The following SMARCA4 variants were observed in gnomAD, a reference collection of about 807,000 sequenced individuals.
SMARCA4 encodes SWI/SNF-related matrix-associated actin-dependent regulator of chromatin subfamily A member 4.
In SMARCA4, 31 loss-of-function variants were observed where a neutral mutation model predicts 193.9. The ratio of observed to expected loss-of-function variants is 0.16; its 90% confidence interval spans 0.12 to 0.22. The LOEUF is 0.22. Among genes scored for constraint, SMARCA4 ranks in the 10% least tolerant of loss-of-function variants. The pLI, the probability that SMARCA4 is intolerant of heterozygous loss-of-function variation, is 1.00. For synonymous variants in SMARCA4, 942 were observed against 933.1 expected (o/e 1.01, Z -0.17); for missense variants, 1,148 against 2,296.0 (o/e 0.50, Z 10.22).
At chr19:10,976,104 G>A (rs567444411) in intron 1 of SMARCA4, among the ~76,000 whole-genome samples, 7 of 152,258 alleles carry the variant, frequency 4.6e-5, no homozygotes, top group East Asian at 3.9e-4. Flanking sequence ...AAGCGGCACC[G>A]TGTAAGACAC....
At chr19:10,989,705 C>CCTT (rs1555756604) in intron 7 of SMARCA4, among the ~76,000 whole-genome samples, 2 of 142,184 alleles carry the variant, frequency 1.4e-5, no homozygotes. Flanking sequence ...TTCCCTTTCC[C>CCTT]TTTTTTTTTT....
Position 10,985,243 on chromosome 19 carries a change from G to A in SMARCA4, c.223-30G>A, listed in dbSNP as rs778529668. 13 of 1,613,574 alleles carry A rather than the reference G, an allele frequency of 8.1e-6. No individual in the cohort carries two copies. The highest frequency in any genetic ancestry group is 1.3e-5 in the African/African-American group (1 of 74,992). On this transcript the variant is annotated intron_variant, in intron 2 of 34. Transcript: ENST00000344626. This position sits in a 1 kb window ranked among gnomAD's most constrained non-coding sequence, Gnocchi z 4.5. ...GCTGCCACCTCACGTTCCACATGCT[G>A]ACCCTGCCTTGCCATGGTCCCTCTC...
chr19:10,966,613 G>A (rs529638779), intron 1 of SMARCA4, among the ~76,000 whole-genome samples: 9 of 142,270 alleles, frequency 6.3e-5, no homozygotes, highest in South Asian at 2.3e-4. Context: ...TGGGCTGGGC[G>A]CGGTGGCTCA....
At chr19:10,989,634 A>C (rs971841962) in intron 7 of SMARCA4, among the ~76,000 whole-genome samples, 191 bp downstream of exon 7, 8 of 151,124 alleles carry the variant, frequency 5.3e-5, no homozygotes, top group African/African-American at 1.7e-4. Flanking sequence ...GGGGACGTGG[A>C]CCTCACTACC....
At position 10,992,728 on chromosome 19, in the gene SMARCA4, A is replaced by G. The variant is rs899581377; in HGVS notation, c.1419+1405A>G. 2.6e-5 allele frequency among the ~76,000 whole-genome samples: 4 copies of G among 151,736 alleles called. No individual in the cohort carries two copies. In the East Asian group the frequency reaches 5.8e-4, roughly 22 times the overall value. ...CTCAGCCTCCCAAGTAGCTGGGACTACAGGCACCTGCCACCATGCCTGGCT... is the reference window on the plus strand; with the variant it reads ...CTCAGCCTCCCAAGTAGCTGGGACTGCAGGCACCTGCCACCATGCCTGGCT... On this transcript the variant is annotated intron_variant, in intron 8 of 34. Transcript: ENST00000344626.
At chr19:11,061,593 G>A (rs890735634) in intron 34 of SMARCA4, 191 bp from the exon 35 acceptor site, 28 of 651,840 alleles carry the variant, frequency 4.3e-5, no homozygotes, top group Non-Finnish European at 7.0e-5. Context: ...AGCCAGGATG[G>A]TCTCGATCTC....
At position 10,987,097 on chromosome 19, in the gene SMARCA4, G is replaced by A. The variant is rs1599959061; in HGVS notation, c.859+94G>A. ...TGAGCTTTGTCAGGGAGAAAGGGCC[G>A]AGGGTGGTCAGGCTGAACTGCAGCC... On this transcript the variant is annotated intron_variant, in intron 5 of 34. Coordinates refer to ENST00000344626, the MANE Select transcript of SMARCA4 (RefSeq NM_003072.5). This position sits in a 1 kb window ranked among gnomAD's most constrained non-coding sequence, Gnocchi z 5.3. The A allele has an allele frequency of 6.5e-6, 6 of 923,528 alleles. No individual in the cohort carries two copies. The highest frequency in any genetic ancestry group is 8.6e-6 in the Non-Finnish European group (5 of 582,404). 57.2% of individuals were successfully genotyped at this position (923,528 alleles called of 1,614,324 possible). A position where few individuals can be genotyped will look rare whatever the true frequency, so the allele number is the denominator to read the frequency against.
chr19:11,015,675 A>T (rs1049689659), intron 16 of SMARCA4, among the ~76,000 whole-genome samples: 1 of 152,052 alleles, frequency 6.6e-6, no homozygotes, highest in African/African-American at 2.4e-5. Flanking sequence ...ACTCCATTTC[A>T]TGTTGCCATA....
At chr19:11,026,165 A>C in intron 22 of SMARCA4, 135 bp from the exon 23 acceptor site, 2 of 757,162 alleles carry the variant, frequency 2.6e-6, no homozygotes, top group Admixed American at 3.7e-5. Flanking sequence ...GTCTGGTCTC[A>C]GAGCCGCCGT....
chr19:11,019,393 C>G lies in SMARCA4; in HGVS notation c.2506-198C>G. The G allele has an allele frequency of 1.6e-6, 1 of 620,680 alleles. No homozygotes were observed. The highest frequency in any genetic ancestry group is 1.9e-5 in the South Asian group (1 of 53,542). 38.4% of individuals were successfully genotyped at this position (620,680 alleles called of 1,614,324 possible). A position where few individuals can be genotyped will look rare whatever the true frequency, so the allele number is the denominator to read the frequency against. On this transcript the variant is annotated intron_variant, in intron 17 of 34. Transcript: ENST00000344626. This position sits in a 1 kb window ranked among gnomAD's most constrained non-coding sequence, Gnocchi z 6.1. ...CCGCCGCTGGCCTGCACTGCTTCCT[C>G]TTCCCCCTGCAGCGCGTGTTCTGCG...
At chr19:10,991,740 G>T (rs780911235) in intron 8 of SMARCA4, among the ~76,000 whole-genome samples, 2 of 152,202 alleles carry the variant, frequency 1.3e-5, no homozygotes, top group Non-Finnish European at 2.9e-5. Flanking sequence ...GAATGTGCCT[G>T]TGTTTTCTCT....
At chr19:10,969,185 C>T (rs1281402080) in intron 1 of SMARCA4, among the ~76,000 whole-genome samples, 1 of 152,200 alleles carries the variant, frequency 6.6e-6, no homozygotes, top group East Asian at 1.9e-4. Flanking sequence ...GGCTGAACCC[C>T]GGCCCTGCCT....
At chr19:11,056,722 A>G (rs114812130) in intron 30 of SMARCA4, among the ~76,000 whole-genome samples, 83 of 152,284 alleles carry the variant, frequency 5.5e-4, no homozygotes, top group African/African-American at 1.7e-3. Context: ...GGAGGCTCTC[A>G]TGTTAGAAGC....
chr19:11,061,683 G>A (rs1475300541), intron 34 of SMARCA4, 101 bp from the exon 35 acceptor site: 2 of 1,172,860 alleles, frequency 1.7e-6, no homozygotes, highest in Non-Finnish European at 2.5e-6. Flanking sequence ...GCCCACATCA[G>A]TGTTTTCTTG....
chr19:10,996,161 A>C, intron 9 of SMARCA4, 52 bp from the exon 10 acceptor site: 2 of 1,597,306 alleles, frequency 1.3e-6, no homozygotes, highest in East Asian at 4.5e-5. Flanking sequence ...ATGGGTGCTC[A>C]CAGACATGCA....
chr19:11,041,372 G>A lies in SMARCA4; in HGVS notation c.4236G>A (p.Lys1412=), dbSNP rs370218941. The A allele has an allele frequency of 3.7e-6, 6 of 1,612,588 alleles. No homozygotes were observed. The East Asian group carries it at 8.9e-5, about 24-fold the overall frequency. Residue 1412 remains lysine (K), a synonymous_variant, in exon 30 of 35, where the codon AAG becomes AAA. Transcript: ENST00000344626. The surrounding 1 kb of genome is among the most constrained non-coding windows in gnomAD (Gnocchi z 5.6). ...TCCGGCAGAAGAAATCATCACGGAA[G>A]CGCAAGCGAGACAGCGACGCCGGCT... ...EEVRQKKSSR[K]RKRDSDAGSS...
chr19:10,964,410 A>G (rs1227777810), intron 1 of SMARCA4, among the ~76,000 whole-genome samples: 1 of 151,544 alleles, frequency 6.6e-6, no homozygotes, highest in Non-Finnish European at 1.5e-5. Flanking sequence ...TCCCGGGTTC[A>G]AGCGATTCTT....
intron 1 of SMARCA4, among the ~76,000 whole-genome samples, chr19:10,963,370 C>CAAA (rs755616481): frequency 7.5e-4 from 40 of 53,094 alleles, no homozygotes; most frequent in African/African-American, 2.5e-3. Context: ...AAGACTGTCT[C>CAAA]AAAAAAAAAA....
intron 1 of SMARCA4, among the ~76,000 whole-genome samples, chr19:10,975,894 C>T (rs2085086960): frequency 6.6e-6 from 1 of 152,310 alleles, no homozygotes; most frequent in African/African-American, 2.4e-5. Context: ...CCCGGCAGCA[C>T]CCGATCCAAG....
Sources: allele counts gnomAD v4.1 joint callset (sites outside exome capture counted in the v4.1 genomes callset), GRCh38; gene constraint gnomAD v4.1.1; non-coding constraint Gnocchi (gnomAD v3.1); transcripts MANE v1.5; gene names NCBI Gene and HGNC (gene_info 2026-07-23, HGNC 2026-07-21).